CANX: variants seen among roughly 807,000 people sequenced by gnomAD.
CANX encodes epididymis secretory sperm binding protein.
Under a neutral mutation model 75.7 loss-of-function variants are expected in CANX, and 14 were observed. The ratio of observed to expected loss-of-function variants is 0.19; its 90% CI spans 0.12 to 0.29. CANX has a LOEUF of 0.29. Among genes scored for constraint, CANX ranks in the 10% least tolerant of loss-of-function variants. The pLI is 1.00. For synonymous variants in CANX, 227 were observed against 236.9 expected (o/e 0.96, Z 0.38); for missense variants, 567 against 713.2 (o/e 0.79, Z 2.34).
chr5:179,715,957 C>T (rs746915750), intron 7 of CANX, 148 bp from the exon 8 acceptor site: 1 of 712,088 alleles, frequency 1.4e-6, no homozygotes. Flanking sequence ...TTAGCTTCCC[C>T]AAGACCCCAG....
At chr5:179,707,035 AGAGCAGAATAGGT>A in intron 3 of CANX, 84 bp from the exon 4 acceptor site, 1 of 755,214 alleles carries the variant, frequency 1.3e-6, no homozygotes, top group East Asian at 2.5e-5. Context: ...AAATAGGCTA[AGAGCAGAATAGGT>A]CCTACTTTAA....
rs1316072407 is a variant in CANX, at chr5:179,706,242, T to A, written c.172-16T>A. The A allele has an allele frequency of 1.4e-6, 2 of 1,403,806 alleles. No individual in the cohort carries two copies. The highest frequency in any genetic ancestry group is 4.6e-5 in the East Asian group (2 of 43,846). 87.0% of individuals were successfully genotyped at this position (1,403,806 alleles called of 1,614,324 possible). Reference sequence around the variant, plus strand: ...TGAAAATTTAAATTTTTAATTCATTTATGTATTTAACACAGGTTACTTACA... The same window carrying A: ...TGAAAATTTAAATTTTTAATTCATTAATGTATTTAACACAGGTTACTTACA... On this transcript the variant is annotated splice_polypyrimidine_tract_variant and intron_variant, in intron 2 of 14. Coordinates refer to ENST00000247461, the MANE Select transcript of CANX (RefSeq NM_001746.4).
chr5:179,684,992 G>A (rs774463522), intron 1 of CANX, among the ~76,000 whole-genome samples: 6 of 130,106 alleles, frequency 4.6e-5, no homozygotes, highest in Non-Finnish European at 6.2e-5. Context: ...TGGCCCTGCC[G>A]GTCTTGAACT....
upstream of CANX, chr5:179,694,283 G>T: frequency 2.0e-6 from 1 of 496,200 alleles, no homozygotes; most frequent in Non-Finnish European, 3.7e-6. Flanking sequence ...AATGTAAAAA[G>T]AAAAACCCTG....
At chr5:179,716,673 C>G (rs1777973257) in intron 8 of CANX, among the ~76,000 whole-genome samples, 1 of 152,186 alleles carries the variant, frequency 6.6e-6, no homozygotes, top group African/African-American at 2.4e-5. Context: ...AAACAACAGT[C>G]AATTCTCTGC....
chr5:179,693,145 C>A (rs76083977), intron 1 of CANX, among the ~76,000 whole-genome samples: 1,607 of 92,466 alleles, frequency 0.017, no homozygotes, highest in African/African-American at 0.032. Flanking sequence ...AACTCCGTCT[C>A]AAAAAAAAAA....
At chr5:179,724,805 A>G in intron 13 of CANX, 22 bp downstream of exon 13, 1 of 1,591,030 alleles carries the variant, frequency 6.3e-7, no homozygotes, top group Non-Finnish European at 8.6e-7. Flanking sequence ...AGTCCAGAAA[A>G]TCTGCTTTAA....
chr5:179,684,926 A>ATT (rs71001039), intron 1 of CANX, among the ~76,000 whole-genome samples: 598 of 49,134 alleles, frequency 0.012, 57 homozygotes, highest in African/African-American at 0.05. Context: ...CTAATTTTGT[A>ATT]TTTTTTTTTT....
chr5:179,704,249 C>G (rs530978494), intron 1 of CANX: 1 of 152,272 alleles, frequency 6.6e-6, no homozygotes, highest in East Asian at 1.9e-4. Context: ...AGAGATAAGC[C>G]GGGTGCGGTG....
intron 12 of CANX, 115 bp downstream of exon 12, chr5:179,723,894 C>A: frequency 1.1e-6 from 1 of 910,838 alleles, no homozygotes; most frequent in Non-Finnish European, 1.6e-6. Flanking sequence ...AATGACCAAG[C>A]CATGTTTGGT....
At position 179,706,255 on chromosome 5, in the gene CANX, C is replaced by T; in HGVS notation, c.172-3C>T. The T allele has an allele frequency of 6.6e-7, 1 of 1,517,314 alleles. No individual in the cohort carries two copies. The highest frequency in any genetic ancestry group is 9.1e-7 in the Non-Finnish European group (1 of 1,096,790). 94.0% of individuals were successfully genotyped at this position (1,517,314 alleles called of 1,614,324 possible). ...TTTTAATTCATTTATGTATTTAACA[C>T]AGGTTACTTACAAAGCTCCAGTTCC... On this transcript the variant is annotated splice_region_variant and splice_polypyrimidine_tract_variant and intron_variant, in intron 2 of 14. Transcript: ENST00000247461.
intron 3 of CANX, 53 bp downstream of exon 3, chr5:179,706,384 G>A: frequency 1.2e-6 from 1 of 850,374 alleles, no homozygotes; most frequent in Admixed American, 2.2e-5. Context: ...AAATAAGATG[G>A]GATAGTAGAT....
At chr5:179,692,217 G>A (rs1431896716) in intron 1 of CANX, among the ~76,000 whole-genome samples, 1 of 152,080 alleles carries the variant, frequency 6.6e-6, no homozygotes, top group Non-Finnish European at 1.5e-5. Flanking sequence ...TGGGACTACA[G>A]GTACGCACCA....
At chr5:179,725,294 C>T (rs1231399502) in intron 13 of CANX, among the ~76,000 whole-genome samples, 2 of 151,746 alleles carry the variant, frequency 1.3e-5, no homozygotes, top group African/African-American at 4.8e-5. Context: ...GCAGCCTTTG[C>T]CTCCCAGATT....
intron 1 of CANX, chr5:179,679,199 C>G (rs1362593697): frequency 7.7e-5 from 118 of 1,534,704 alleles, no homozygotes; most frequent in Non-Finnish European, 7.8e-6. Context: ...GCGCTGGCGA[C>G]TCGTGCTGCG....
At chr5:179,717,626 T>C (rs1045902902) in intron 8 of CANX, among the ~76,000 whole-genome samples, 10 of 152,240 alleles carry the variant, frequency 6.6e-5, no homozygotes, top group African/African-American at 2.4e-4. Flanking sequence ...GGTGGACATT[T>C]AGGTTGTTTG....
chr5:179,698,890 G>A (rs1776519814), upstream of CANX: 6 of 1,154,574 alleles, frequency 5.2e-6, no homozygotes, highest in South Asian at 1.6e-5. Flanking sequence ...GGCGGGACTT[G>A]GCGCCGGCTG....
intron 7 of CANX, among the ~76,000 whole-genome samples, chr5:179,712,060 T>C (rs1025344535): frequency 1.3e-5 from 2 of 149,648 alleles, no homozygotes; most frequent in African/African-American, 2.5e-5. Flanking sequence ...GTCATGCCAT[T>C]GCACTCCAGC....
chr5:179,690,350 T>A (rs1581820702), intron 1 of CANX, among the ~76,000 whole-genome samples: 1 of 150,150 alleles, frequency 6.7e-6, no homozygotes, highest in Admixed American at 6.7e-5. Context: ...CCGAGGCGGG[T>A]GGATCACCTG....
Sources: gnomAD v4.1 joint callset for allele counts (sites outside exome capture counted in the v4.1 genomes callset) on GRCh38, gnomAD v4.1.1 for gene constraint, MANE v1.5 for transcripts, NCBI Gene and HGNC (gene_info 2026-07-23, HGNC 2026-07-21) for gene names.